The following FXR1 variants were observed in gnomAD, a reference collection of about 807,000 sequenced individuals.
The protein encoded by FXR1 is FMR1 autosomal homolog 1, also known as RNA-binding protein FXR1.
In FXR1, 15 loss-of-function variants were observed where a neutral mutation model predicts 84.0. That is an observed-to-expected ratio of 0.18 (90% CI 0.12 to 0.27). The LOEUF (loss-of-function observed/expected upper bound fraction) is 0.27. Among genes scored for constraint, FXR1 ranks in the 10% least tolerant of loss-of-function variants. FXR1 has a pLI of 1.00. For missense variants in FXR1, 480 were observed against 774.4 expected, an observed-to-expected ratio of 0.62 and a Z score of 4.51; for synonymous variants, 245 against 250.7, an observed-to-expected ratio of 0.98 and a Z score of 0.21.
chr3:180,936,332 A>G (rs1720522103), intron 3 of FXR1, among the ~76,000 whole-genome samples: 1 of 152,078 alleles, frequency 6.6e-6, no homozygotes, highest in African/African-American at 2.4e-5. Context: ...CAATGGAGCA[A>G]TCTCAGTTCA....
At chr3:180,948,634 C>A in intron 5 of FXR1, 87 bp from the exon 6 acceptor site, 1 of 955,962 alleles carries the variant, frequency 1.0e-6, no homozygotes, top group South Asian at 1.5e-5. Context: ...TGGGGCTTGT[C>A]AAAATGAAAC....
intron 1 of FXR1, among the ~76,000 whole-genome samples, chr3:180,926,501 TATATA>T (rs755192859): frequency 0.031 from 2,404 of 78,350 alleles, 35 homozygotes; most frequent in Non-Finnish European, 0.036. Context: ...TATATATATA[TATATA>T]TTTTTTTTTC....
chr3:180,974,460 AAG>A (rs952287600), intron 15 of FXR1, among the ~76,000 whole-genome samples: 1 of 152,140 alleles, frequency 6.6e-6, no homozygotes, highest in Non-Finnish European at 1.5e-5. Context: ...TCAGTTCTTG[AAG>A]AGAGAGTGTT....
intron 4 of FXR1, 88 bp from the exon 5 acceptor site, chr3:180,948,259 G>T: frequency 1.1e-6 from 1 of 942,380 alleles, no homozygotes; most frequent in Non-Finnish European, 1.6e-6. Flanking sequence ...GGGTCCGTTG[G>T]TTAAGCTGAG....
chr3:180,929,608 A>G (rs1719644305), intron 1 of FXR1, among the ~76,000 whole-genome samples: 1 of 152,238 alleles, frequency 6.6e-6, no homozygotes, highest in Non-Finnish European at 1.5e-5. Context: ...ACTTAAAGGC[A>G]TAAAGCCCCC....
chr3:180,951,238 A>G (rs2108469278), intron 7 of FXR1, 60 bp from the exon 8 acceptor site: 2 of 1,097,190 alleles, frequency 1.8e-6, no homozygotes, highest in Non-Finnish European at 2.7e-6. Context: ...AAACCAAACC[A>G]TACAAAAAAG....
intron 1 of FXR1, among the ~76,000 whole-genome samples, chr3:180,928,577 G>A (rs1376736724): frequency 6.6e-6 from 1 of 151,616 alleles, no homozygotes; most frequent in African/African-American, 2.4e-5. Context: ...CCTAAATTTT[G>A]TATTTATATT....
At chr3:180,943,936 G>T (rs900564503) in intron 3 of FXR1, among the ~76,000 whole-genome samples, 10 of 150,866 alleles carry the variant, frequency 6.6e-5, no homozygotes, top group African/African-American at 2.4e-4. Flanking sequence ...TTTTTTTTGA[G>T]ATGCAGTTTC....
rs938011085 is a variant in FXR1, at chr3:180,934,500, G to A, written c.105-638G>A. Among the ~76,000 whole-genome samples the A allele has an allele frequency of 7.2e-5, 11 of 152,184 alleles. No individual in the cohort carries two copies. The South Asian group carries it at 8.3e-4, about 11-fold the overall frequency. On this transcript the variant is annotated intron_variant, in intron 2 of 16. Coordinates refer to ENST00000357559, the MANE Select transcript of FXR1 (RefSeq NM_005087.4). ...ACTGCTAAATTGGTTTAATACATTC[G>A]TATTTGCTACAGAGTTAAAAGTAAG...
At position 180,982,380 on chromosome 3, in the gene FXR1, T is replaced by C. The variant is rs571206617; in HGVS notation, c.*6088T>C. 1.4e-4 allele frequency: 21 copies of C among 152,186 alleles called. No individual in the cohort carries two copies. Among genetic ancestry groups the C allele is most frequent in the Admixed American group, 1.0e-3 (16 of 15,266 alleles). The allele number at this position is 152,186 out of a possible 1,614,324, so 9.4% of individuals were successfully genotyped here. ...CATGGATAACATTTAAATGTTCAGT[T>C]TGCCTAATAGCCTTCAATGAAACAC... On this transcript the variant is annotated 3_prime_UTR_variant, in exon 17 of 17. Transcript: ENST00000357559.
At chr3:180,918,393 C>A (rs913630994) in intron 1 of FXR1, among the ~76,000 whole-genome samples, 5 of 152,146 alleles carry the variant, frequency 3.3e-5, no homozygotes, top group African/African-American at 1.2e-4. Context: ...CCATCTGGGC[C>A]TCCCAGAGTG....
chr3:180,930,261 CAAAAAA>C, intron 1 of FXR1, among the ~76,000 whole-genome samples: 1 of 125,090 alleles, frequency 8.0e-6, no homozygotes, highest in Non-Finnish European at 1.7e-5. Context: ...GACTCCATCT[CAAAAAA>C]AAAAAAGAAA....
intron 15 of FXR1, chr3:180,971,274 G>T: frequency 5.0e-6 from 1 of 200,810 alleles, no homozygotes. Flanking sequence ...TTCAAAATTT[G>T]CATTGCATAA....
At chr3:180,971,094 C>A (rs771868108) in intron 15 of FXR1, 2 of 1,252,558 alleles carry the variant, frequency 1.6e-6, no homozygotes, top group Non-Finnish European at 2.1e-6. Context: ...AAAAAAAACC[C>A]CAGCGACGCA....
At chr3:180,975,266 T>G (rs750976948) in intron 15 of FXR1, 47 bp from the exon 16 acceptor site, 3 of 747,008 alleles carry the variant, frequency 4.0e-6, no homozygotes, top group Non-Finnish European at 6.7e-6. Flanking sequence ...AAATAAACTT[T>G]AGAAATATTT....
rs1395811563 is a variant in FXR1, at chr3:180,980,211, G to T, written c.*3919G>T. The stretch of plus-strand genomic sequence containing the variant: ...CATAAGGAGTATGCTGAATTTAAGT[G>T]GTGTTTGTTTTACATATGTATCCAT... On this transcript the variant is annotated 3_prime_UTR_variant, in exon 17 of 17. Coordinates refer to ENST00000357559, the MANE Select transcript of FXR1 (RefSeq NM_005087.4). 1 of 151,948 alleles carries T rather than the reference G, an allele frequency of 6.6e-6. No individual in the cohort carries two copies. Among genetic ancestry groups the T allele is most frequent in the African/African-American group, 2.4e-5 (1 of 41,382 alleles). 9.4% of individuals were successfully genotyped at this position (151,948 alleles called of 1,614,324 possible).
intron 1 of FXR1, 145 bp downstream of exon 1, chr3:180,912,881 C>A (rs1419402511): frequency 1.4e-6 from 2 of 1,442,652 alleles, no homozygotes; most frequent in Non-Finnish European, 1.9e-6. Context: ...GCTTCTCCCC[C>A]CTCCACCCGC....
At position 180,936,888 on chromosome 3, in the gene FXR1, ACTAT is replaced by A. The variant is rs998901686; in HGVS notation, c.198+1660_198+1663del. ...GTAACTTTTTGTAAGGATACCTGTA[ACTAT>A]CTGTGTGTATTAGAGTTCTTGAGGA... On this transcript the variant is annotated intron_variant, in intron 3 of 16. Transcript: ENST00000357559. Among the ~76,000 whole-genome samples the A allele has an allele frequency of 2.6e-5, 4 of 152,304 alleles. No homozygotes were observed. In the East Asian group the frequency reaches 7.7e-4, roughly 29 times the overall value.
At chr3:180,942,526 A>G (rs1397331805) in intron 3 of FXR1, among the ~76,000 whole-genome samples, 1 of 152,016 alleles carries the variant, frequency 6.6e-6, no homozygotes, top group Non-Finnish European at 1.5e-5. Flanking sequence ...TTGAAACAGA[A>G]TTTGACTTGG....
Sources: allele counts gnomAD v4.1 joint callset (sites outside exome capture counted in the v4.1 genomes callset), GRCh38; gene constraint gnomAD v4.1.1; transcripts MANE v1.5; gene names NCBI Gene and HGNC (gene_info 2026-07-23, HGNC 2026-07-21).